ADGRL3: variants seen among roughly 807,000 people sequenced by gnomAD.
The protein encoded by ADGRL3 is adhesion G protein-coupled receptor L3, also known as calcium-independent alpha-latrotoxin receptor 3.
In ADGRL3, 62 loss-of-function variants were observed where a neutral mutation model predicts 153.5. That is an observed-to-expected ratio of 0.40 (90% CI 0.33 to 0.50). ADGRL3 has a LOEUF of 0.50. Ranked by LOEUF, ADGRL3 falls within the 20% of genes least tolerant of loss-of-function variation. ADGRL3 has a pLI of 0.47. For missense variants in ADGRL3, 1,641 were observed against 1,859.4 expected, an observed-to-expected ratio of 0.88 and a Z score of 2.16; for synonymous variants, 710 against 672.5, an observed-to-expected ratio of 1.06 and a Z score of -0.86.
intron 5 of ADGRL3, among the ~76,000 whole-genome samples, chr4:61,647,998 C>T (rs1013338478): frequency 6.6e-6 from 1 of 152,050 alleles, no homozygotes; most frequent in Non-Finnish European, 1.5e-5. Context: ...TACCTATAAC[C>T]ACACACACAA....
chr4:61,927,879 T>C (rs1229311616), intron 13 of ADGRL3, among the ~76,000 whole-genome samples: 1 of 151,968 alleles, frequency 6.6e-6, no homozygotes, highest in Non-Finnish European at 1.5e-5. Context: ...TATAAATCAA[T>C]GGATACTATT....
At chr4:61,773,771 T>C (rs540380885) in intron 8 of ADGRL3, among the ~76,000 whole-genome samples, 41 of 152,192 alleles carry the variant, frequency 2.7e-4, no homozygotes, top group African/African-American at 9.6e-4. Flanking sequence ...TCTTCATGGA[T>C]GCACATGGGA....
At chr4:61,793,374 A>G (rs772946815) in intron 8 of ADGRL3, among the ~76,000 whole-genome samples, 1 of 152,158 alleles carries the variant, frequency 6.6e-6, no homozygotes, top group Admixed American at 6.6e-5. Context: ...CAGTGAGCCA[A>G]CATCGCCCAC....
chr4:61,910,182 A>T (rs1000323970), intron 12 of ADGRL3, among the ~76,000 whole-genome samples: 1 of 151,822 alleles, frequency 6.6e-6, no homozygotes, highest in Non-Finnish European at 1.5e-5. Context: ...GAATGGATGG[A>T]TCTCTATCAT....
intron 19 of ADGRL3, among the ~76,000 whole-genome samples, chr4:61,994,512 T>C (rs2099115083): frequency 6.6e-6 from 1 of 151,990 alleles, no homozygotes; most frequent in South Asian, 2.1e-4. Flanking sequence ...GGTTTTTTTT[T>C]TTGCTTAAAA....
At chr4:61,853,925 GA>G (rs1395681510) in intron 9 of ADGRL3, among the ~76,000 whole-genome samples, 1 of 152,176 alleles carries the variant, frequency 6.6e-6, no homozygotes. Flanking sequence ...CTGAACTTAA[GA>G]GATCTATTAC....
At chr4:61,342,289 A>G (rs1380931957) in intron 1 of ADGRL3, among the ~76,000 whole-genome samples, 2 of 152,162 alleles carry the variant, frequency 1.3e-5, no homozygotes, top group African/African-American at 4.8e-5. Flanking sequence ...ACAGTTGACC[A>G]AACTTATTAA....
chr4:61,908,414 TG>T (rs1420219082), intron 11 of ADGRL3, among the ~76,000 whole-genome samples: 1 of 152,008 alleles, frequency 6.6e-6, no homozygotes, highest in Non-Finnish European at 1.5e-5. Flanking sequence ...CTGGGCAACA[TG>T]GTGAAACCCC....
At chr4:61,344,342 A>G (rs552636558) in intron 1 of ADGRL3, among the ~76,000 whole-genome samples, 1 of 152,190 alleles carries the variant, frequency 6.6e-6, no homozygotes, top group Non-Finnish European at 1.5e-5. Flanking sequence ...TTGCCTGAGT[A>G]AAGTACAAGT....
At chr4:61,547,367 C>A (rs1054174991) in intron 4 of ADGRL3, among the ~76,000 whole-genome samples, 13 of 151,684 alleles carry the variant, frequency 8.6e-5, no homozygotes, top group African/African-American at 2.7e-4. Flanking sequence ...TATTTTGTCA[C>A]CGGGTAATAA....
At chr4:62,059,241 T>C (rs1010840243) in intron 25 of ADGRL3, among the ~76,000 whole-genome samples, 10 of 147,626 alleles carry the variant, frequency 6.8e-5, no homozygotes, top group African/African-American at 2.7e-4. Context: ...GAGGGATAAT[T>C]GTTTGATTAC....
At chr4:61,576,151 C>G (rs1054209441) in intron 4 of ADGRL3, among the ~76,000 whole-genome samples, 2 of 151,958 alleles carry the variant, frequency 1.3e-5, no homozygotes, top group Admixed American at 1.3e-4. Context: ...GTTGTTGTTA[C>G]TCCTCTTAGA....
At chr4:61,678,756 T>A (rs1405642549) in intron 6 of ADGRL3, among the ~76,000 whole-genome samples, 1 of 152,038 alleles carries the variant, frequency 6.6e-6, no homozygotes, top group African/African-American at 2.4e-5. Context: ...TATACTCACT[T>A]GCCAGTTTAT....
intron 1 of ADGRL3, among the ~76,000 whole-genome samples, chr4:61,320,377 A>G (rs2095330573): frequency 6.6e-6 from 1 of 152,240 alleles, no homozygotes; most frequent in South Asian, 2.1e-4. Context: ...TTAGATAAAC[A>G]GAACTAACAG....
chr4:61,780,759 C>G (rs909405066), intron 8 of ADGRL3, among the ~76,000 whole-genome samples: 2 of 152,096 alleles, frequency 1.3e-5, no homozygotes, highest in Admixed American at 6.5e-5. Context: ...TCTTCAAGGC[C>G]AGCATGAATG....
rs182711326 is a variant in ADGRL3 at position 62,037,836 on chromosome 4, C to T, written c.3697C>T (p.Arg1233Cys). ...AACATCTGGTTCTCGAACTCCTGGA[C>T]GCTACTCCACAGGCTCACAGGTAAA... ...GKTSGSRTPG[R>C]YSTGSQSRIR... The change falls in exon 24 of 27, where the codon CGC becomes TGC. Residue 1233 changes from arginine to cysteine, a missense_variant. By Grantham distance (180) the Arg-to-Cys change is radical. Transcript: ENST00000683033. 3.7e-6 allele frequency: 6 copies of T among 1,613,652 alleles called. No homozygotes were observed. Among genetic ancestry groups the T allele is most frequent in the East Asian group, 2.2e-5 (1 of 44,804 alleles).
chr4:61,514,634 T>C (rs555172039), intron 3 of ADGRL3, among the ~76,000 whole-genome samples: 2 of 152,234 alleles, frequency 1.3e-5, no homozygotes, highest in South Asian at 4.1e-4. Flanking sequence ...ATACAGTGAA[T>C]TTAAATGAGT....
At chr4:61,938,862 CAA>C (rs71213019) in intron 15 of ADGRL3, among the ~76,000 whole-genome samples, 1,201 of 71,474 alleles carry the variant, frequency 0.017, 20 homozygotes, top group African/African-American at 0.059. Flanking sequence ...CCCTCCTCCT[CAA>C]AAAAAAAAAA....
intron 2 of ADGRL3, among the ~76,000 whole-genome samples, chr4:61,478,405 A>G (rs1365491312): frequency 6.6e-6 from 1 of 152,090 alleles, no homozygotes; most frequent in Non-Finnish European, 1.5e-5. Context: ...AAAAAAAAGA[A>G]ACAGACAGAG....
Sources: allele counts gnomAD v4.1 joint callset (sites outside exome capture counted in the v4.1 genomes callset), GRCh38; gene constraint gnomAD v4.1.1; transcripts MANE v1.5; gene names NCBI Gene and HGNC (gene_info 2026-07-23, HGNC 2026-07-21).